The following SGCD variants were observed in gnomAD, a reference collection of about 807,000 sequenced individuals.
The protein encoded by SGCD is sarcoglycan delta, also known as delta-sarcoglycan.
In SGCD, 18 loss-of-function variants were observed where a neutral mutation model predicts 36.6. That is an observed-to-expected ratio of 0.49 (90% confidence interval 0.34 to 0.73). SGCD has a LOEUF of 0.73. Ranked by LOEUF, SGCD falls within the 30% of genes least tolerant of loss-of-function variation. SGCD has a pLI of 0.01. For missense variants in SGCD, 387 were observed against 346.7 expected, an observed-to-expected ratio of 1.12 and a Z score of -0.92; for synonymous variants, 133 against 130.6, an observed-to-expected ratio of 1.02 and a Z score of -0.12.
At chr5:156,203,501 T>C (rs1007101990) in intron 3 of SGCD, among the ~76,000 whole-genome samples, 6 of 152,180 alleles carry the variant, frequency 3.9e-5, no homozygotes, top group African/African-American at 1.4e-4. Context: ...ATTATAAAGG[T>C]ATTTAATGAT....
chr5:155,815,937 G>A, the SGCD span, among the ~76,000 whole-genome samples: 2,768 of 152,188 alleles, frequency 0.018, 94 homozygotes, highest in African/African-American at 0.064. Flanking sequence ...ACTGGTGGTC[G>A]TATTTACAAG....
chr5:155,930,027 A>G (rs1057306507), intron 1 of SGCD, among the ~76,000 whole-genome samples: 1 of 152,134 alleles, frequency 6.6e-6, no homozygotes, highest in Non-Finnish European at 1.5e-5. Flanking sequence ...TTCTGTGCTG[A>G]GTAGGATTTT....
At chr5:156,678,577 GCA>G in intron 7 of SGCD, among the ~76,000 whole-genome samples, 1 of 152,100 alleles carries the variant, frequency 6.6e-6, no homozygotes. Context: ...TCTGATCTTG[GCA>G]CACTCCCATC....
the SGCD span, among the ~76,000 whole-genome samples, chr5:155,825,244 A>G: frequency 6.6e-6 from 1 of 152,202 alleles, no homozygotes; most frequent in South Asian, 2.1e-4. Flanking sequence ...AGAAAAGCGG[A>G]CTTCCTCTAG....
chr5:156,674,656 T>G (rs950347858), intron 7 of SGCD, among the ~76,000 whole-genome samples: 43 of 152,292 alleles, frequency 2.8e-4, no homozygotes, highest in Admixed American at 2.5e-3. Flanking sequence ...TGCTCTCATA[T>G]GAAGATTCTA....
At chr5:156,359,578 C>A (rs1201743596) in intron 3 of SGCD, among the ~76,000 whole-genome samples, 1 of 152,298 alleles carries the variant, frequency 6.6e-6, no homozygotes, top group East Asian at 1.9e-4. Flanking sequence ...TTTCTAACAG[C>A]TGTTGCACAT....
At chr5:156,098,932 G>T (rs572775172) in intron 1 of SGCD, among the ~76,000 whole-genome samples, 1 of 152,170 alleles carries the variant, frequency 6.6e-6, no homozygotes, top group Non-Finnish European at 1.5e-5. Flanking sequence ...CTTATGTCTG[G>T]CTGGCTTCCC....
intron 7 of SGCD, among the ~76,000 whole-genome samples, chr5:156,684,212 T>C (rs32076): frequency 0.82 from 123,932 of 151,416 alleles, 50,973 homozygotes; most frequent in South Asian, 0.89. Flanking sequence ...TTGATGTCAC[T>C]GAGAGTTAGG....
chr5:156,099,132 G>C (rs2127596225), intron 1 of SGCD, among the ~76,000 whole-genome samples: 1 of 152,316 alleles, frequency 6.6e-6, no homozygotes, highest in Non-Finnish European at 1.5e-5. Flanking sequence ...ACATCTGGTT[G>C]CTATGCTGTT....
At chr5:156,422,060 A>G (rs1196217948) in intron 3 of SGCD, among the ~76,000 whole-genome samples, 1 of 152,032 alleles carries the variant, frequency 6.6e-6, no homozygotes, top group Non-Finnish European at 1.5e-5. Context: ...AGAAAGTTAA[A>G]CTTATCACCC....
intron 1 of SGCD, among the ~76,000 whole-genome samples, chr5:156,075,661 T>G (rs907695754): frequency 7.2e-5 from 11 of 152,204 alleles, no homozygotes; most frequent in Middle Eastern, 3.2e-3. Flanking sequence ...AGAAACATAG[T>G]AATTATGGAA....
chr5:156,565,324 G>A (rs927747464), intron 4 of SGCD, among the ~76,000 whole-genome samples: 2 of 152,092 alleles, frequency 1.3e-5, no homozygotes, highest in Non-Finnish European at 2.9e-5. Context: ...CAAAGAATGT[G>A]TAAAATTAAT....
intron 1 of SGCD, among the ~76,000 whole-genome samples, chr5:156,095,130 T>C (rs1358656538): frequency 6.6e-6 from 1 of 152,224 alleles, no homozygotes; most frequent in African/African-American, 2.4e-5. Context: ...AGCCACCTCC[T>C]GATACTAGAC....
At chr5:156,567,290 AATGGATGG>A (rs551667785) in intron 4 of SGCD, among the ~76,000 whole-genome samples, 5 of 149,472 alleles carry the variant, frequency 3.3e-5, no homozygotes, top group Non-Finnish European at 5.9e-5. Flanking sequence ...GGAGGGGGTG[AATGGATGG>A]ATGGATGGAT....
the SGCD span, among the ~76,000 whole-genome samples, chr5:155,780,493 A>G: frequency 6.6e-6 from 1 of 152,168 alleles, no homozygotes; most frequent in African/African-American, 2.4e-5. Context: ...CTGCTGCAGT[A>G]TAAATGTACT....
chr5:155,883,771 G>A (rs1345807007), intron 1 of SGCD, among the ~76,000 whole-genome samples: 1 of 124,598 alleles, frequency 8.0e-6, no homozygotes, highest in Non-Finnish European at 1.6e-5. Context: ...TGGATGCAGG[G>A]TTACCACAAA....
chr5:156,330,422 A>G (rs189408791), intron 2 of SGCD, among the ~76,000 whole-genome samples: 127 of 152,250 alleles, frequency 8.3e-4, no homozygotes, highest in African/African-American at 3.0e-3. Context: ...TTCAGATCTC[A>G]GGTTTCCTAT....
At chr5:156,200,988 A>G (rs12188348) in intron 3 of SGCD, among the ~76,000 whole-genome samples, 1 of 151,968 alleles carries the variant, frequency 6.6e-6, no homozygotes, top group Non-Finnish European at 1.5e-5. Flanking sequence ...AAATAAGCCA[A>G]TCACAAAAGG....
At chr5:156,043,172 A>C (rs1318080612) in intron 1 of SGCD, among the ~76,000 whole-genome samples, 1 of 152,188 alleles carries the variant, frequency 6.6e-6, no homozygotes, top group Non-Finnish European at 1.5e-5. Flanking sequence ...AACATAGAGC[A>C]GATCAGAAGT....
Sources: gnomAD v4.1 joint callset for allele counts (sites outside exome capture counted in the v4.1 genomes callset) on GRCh38, gnomAD v4.1.1 for gene constraint, MANE v1.5 for transcripts, NCBI Gene and HGNC (gene_info 2026-07-23, HGNC 2026-07-21) for gene names.